The following HMCN2 variants were observed in gnomAD, a reference collection of about 807,000 sequenced individuals.
HMCN2 encodes hemicentin-2.
A neutral mutation model predicts 377.5 loss-of-function variants in HMCN2; 325 were observed. That is an observed-to-expected ratio of 0.86 (90% CI 0.79 to 0.94). The LOEUF (loss-of-function observed/expected upper bound fraction) is 0.94, where lower values mean the gene tolerates loss of function less well. Ranked by LOEUF, HMCN2 falls within the 40% of genes least tolerant of loss-of-function variation. The probability of loss-of-function intolerance (pLI) is 0.00; values close to 1 mark genes in which losing one functional copy is unlikely to be tolerated. For synonymous variants in HMCN2, 2,007 were observed against 2,046.8 expected (o/e 0.98, Z 0.53); for missense variants, 4,543 against 4,725.3 (o/e 0.96, Z 1.13).
Position 130,303,779 on chromosome 9 carries a change from A to G in HMCN2, c.1543+171A>G, listed in dbSNP as rs1208603340. Among the ~76,000 whole-genome samples, 1 of 151,976 alleles carries G rather than the reference A, an allele frequency of 6.6e-6. No individual in the cohort carries two copies. Among genetic ancestry groups the G allele is most frequent in the African/African-American group, 2.4e-5 (1 of 41,356 alleles). ...GCTGCCCCTCATGTGGGGCCGTCTC[A>G]CCCAGGAACGGCCTGTGGGTCTCCG... On this transcript the variant is annotated intron_variant, in intron 10 of 97. Coordinates refer to ENST00000683500, the MANE Select transcript of HMCN2 (RefSeq NM_001291815.2). This position sits in a 1 kb window ranked among gnomAD's most constrained non-coding sequence, Gnocchi z 5.2.
intron 1 of HMCN2, among the ~76,000 whole-genome samples, chr9:130,282,873 C>T (rs1249377859): frequency 2.0e-5 from 3 of 152,228 alleles, no homozygotes; most frequent in South Asian, 4.2e-4. Flanking sequence ...GAGTTCAAGA[C>T]CAGCCTGGCC....
At chr9:130,366,467 ATTTTTTTTTTTTT>A (rs71499234) in intron 43 of HMCN2, among the ~76,000 whole-genome samples, 1 of 82,976 alleles carries the variant, frequency 1.2e-5, no homozygotes, top group Non-Finnish European at 2.2e-5. Flanking sequence ...CACTTCACCA[ATTTTTTTTTTTTT>A]TTTTTTTTTT....
At chr9:130,379,515 G>A (rs1841585553) in intron 54 of HMCN2, 48 bp downstream of exon 54, 1 of 873,608 alleles carries the variant, frequency 1.1e-6, no homozygotes, top group Non-Finnish European at 1.4e-6. Context: ...GCTCTCCTGT[G>A]TGCTGCCTGC....
intron 74 of HMCN2, among the ~76,000 whole-genome samples, chr9:130,398,077 C>T (rs1842691945): frequency 7.7e-6 from 1 of 129,926 alleles, no homozygotes; most frequent in East Asian, 2.5e-4. Context: ...CACTTGAGCC[C>T]GGGAGTTTCA....
At chr9:130,389,652 G>T (rs900611942) in intron 62 of HMCN2, among the ~76,000 whole-genome samples, 1 of 151,342 alleles carries the variant, frequency 6.6e-6, no homozygotes, top group Non-Finnish European at 1.5e-5. Flanking sequence ...TCGGCTCACT[G>T]CAACCTCTGC....
rs1195435611 is a variant in HMCN2, at chr9:130,433,581, C to T, written c.15128C>T (p.Thr5043Ile). ...CGCGCGGGCCTTGGCGCGGTCTACACCCGTCGCGCGCTCACCCGCGCCGGC... is the reference window on the plus strand; with the variant it reads ...CGCGCGGGCCTTGGCGCGGTCTACATCCGTCGCGCGCTCACCCGCGCCGGC... The part of the protein sequence containing the change: ...PLRAGLGAVY[T>I]RRALTRAGLY... Residue 5043 changes from threonine to isoleucine, a missense_variant, in exon 98 of 98, where the codon ACC becomes ATC. Around this residue, in one of 5 missense-constraint regions of HMCN2, gnomAD observed 1,155 missense variants for 1,157.7 expected, o/e 1.00. Coordinates refer to ENST00000683500, the MANE Select transcript of HMCN2 (RefSeq NM_001291815.2). The T allele has an allele frequency of 3.3e-6, 5 of 1,508,710 alleles. No homozygotes were observed. Among genetic ancestry groups the T allele is most frequent in the East Asian group, 2.7e-5 (1 of 36,486 alleles). 93.5% of individuals were successfully genotyped at this position (1,508,710 alleles called of 1,614,324 possible).
intron 24 of HMCN2, among the ~76,000 whole-genome samples, 157 bp downstream of exon 24, chr9:130,341,522 C>T (rs946287932): frequency 6.6e-6 from 1 of 152,176 alleles, no homozygotes; most frequent in Non-Finnish European, 1.5e-5. Flanking sequence ...CCTTCCAGCC[C>T]CACAGCTTTG....
rs1229394388 is a variant in HMCN2 at position 130,414,973 on chromosome 9, G to A, written c.12962-3799G>A. Among the ~76,000 whole-genome samples the A allele has an allele frequency of 6.6e-6, 1 of 152,078 alleles. No individual in the cohort carries two copies. The highest frequency in any genetic ancestry group is 2.4e-5 in the African/African-American group (1 of 41,394). ...GGGAAGCCCCTCGCCTACACAGGCCGAGTGGGGAGCAATAAGCAGTGCCCC... is the reference window on the plus strand; with the variant it reads ...GGGAAGCCCCTCGCCTACACAGGCCAAGTGGGGAGCAATAAGCAGTGCCCC... On this transcript the variant is annotated intron_variant, in intron 85 of 97. Coordinates refer to ENST00000683500, the MANE Select transcript of HMCN2 (RefSeq NM_001291815.2). The surrounding 1 kb of genome is among the most constrained non-coding windows in gnomAD (Gnocchi z 4.4).
At chr9:130,285,061 A>G in intron 2 of HMCN2, 97 bp from the exon 3 acceptor site, 1 of 416,522 alleles carries the variant, frequency 2.4e-6, no homozygotes, top group South Asian at 1.8e-5. Flanking sequence ...TGACAGTTCA[A>G]GGTGACTCCC....
At chr9:130,273,034 T>C (rs1247157552) in intron 1 of HMCN2, among the ~76,000 whole-genome samples, 1 of 152,206 alleles carries the variant, frequency 6.6e-6, no homozygotes, top group African/African-American at 2.4e-5. Flanking sequence ...AAAAACTCTA[T>C]TGTTCTCATC....
At position 130,373,030 on chromosome 9, in the gene HMCN2, TCTCCCAGTTC is replaced by T; in HGVS notation, c.7353_7362del (p.Pro2452LeufsTer9). On this transcript the variant is annotated splice_acceptor_variant and splice_polypyrimidine_tract_variant and coding_sequence_variant and intron_variant, in exon 48 of 98. Coordinates refer to ENST00000683500, the MANE Select transcript of HMCN2 (RefSeq NM_001291815.2). LOFTEE classifies it high-confidence loss of function. ...ATCACTAGCCATTTGTCTCCCTGCTTCTCCCAGTTCCTCCCAGTATTGAGAACGAGGACTT... is the reference window on the plus strand; with the variant it reads ...ATCACTAGCCATTTGTCTCCCTGCTTCTCCCAGTATTGAGAACGAGGACTT... 1 of 690,610 alleles carries T rather than the reference TCTCCCAGTTC, an allele frequency of 1.4e-6. No homozygotes were observed. The highest frequency in any genetic ancestry group is 1.7e-6 in the Non-Finnish European group (1 of 575,688). The allele number at this position is 690,610 out of a possible 1,614,324, so 42.8% of individuals were successfully genotyped here. A position where few individuals can be genotyped will look rare whatever the true frequency, so the allele number is the denominator to read the frequency against.
intron 31 of HMCN2, among the ~76,000 whole-genome samples, chr9:130,353,756 C>T (rs1471546060): frequency 1.3e-5 from 2 of 152,188 alleles, no homozygotes; most frequent in Non-Finnish European, 2.9e-5. Context: ...CTGTGAACCT[C>T]AGCATCAGCT....
chr9:130,344,189 G>A (rs915537706), intron 25 of HMCN2, among the ~76,000 whole-genome samples: 19 of 152,306 alleles, frequency 1.2e-4, no homozygotes, highest in South Asian at 1.0e-3. Context: ...CCTGGCCCCC[G>A]GCGTGGCGGG....
At position 130,430,605 on chromosome 9, in the gene HMCN2, G is replaced by T. The variant is rs1169622757; in HGVS notation, c.14647+1G>T. 2 of 1,546,922 alleles carry T rather than the reference G, an allele frequency of 1.3e-6. No homozygotes were observed. Among genetic ancestry groups the T allele is most frequent in the Non-Finnish European group, 1.7e-6 (2 of 1,144,642 alleles). On this transcript the variant is annotated splice_donor_variant, in intron 95 of 97. Coordinates refer to ENST00000683500, the MANE Select transcript of HMCN2 (RefSeq NM_001291815.2). LOFTEE classifies it high-confidence loss of function. ...ATCAGGCAGAACGGAGTCTGCACAG[G>T]TAAGGCCAGGCCCTGACCATCCACG...
intron 84 of HMCN2, among the ~76,000 whole-genome samples, chr9:130,409,305 A>G (rs2131744653): frequency 6.6e-6 from 1 of 152,354 alleles, no homozygotes; most frequent in South Asian, 2.1e-4. Flanking sequence ...TTTACAGACG[A>G]AGACACTGAA....
intron 54 of HMCN2, among the ~76,000 whole-genome samples, 174 bp from the exon 55 acceptor site, chr9:130,382,010 G>C (rs563437891): frequency 7.2e-5 from 11 of 152,258 alleles, no homozygotes; most frequent in African/African-American, 2.4e-4. Flanking sequence ...GCTGTACCCT[G>C]ACTTGACTCC....
At chr9:130,284,814 C>A (rs192181219) in intron 2 of HMCN2, 141 bp downstream of exon 2, 292 of 416,032 alleles carry the variant, frequency 7.0e-4, no homozygotes, top group Non-Finnish European at 1.3e-3. Context: ...CTTCCTTAGG[C>A]CATCTGTTAG....
intron 39 of HMCN2, among the ~76,000 whole-genome samples, chr9:130,362,555 G>A (rs906682267): frequency 2.6e-5 from 4 of 152,204 alleles, no homozygotes; most frequent in Non-Finnish European, 5.9e-5. Flanking sequence ...TGAAGTCCGT[G>A]GCATATTTTG....
intron 1 of HMCN2, among the ~76,000 whole-genome samples, chr9:130,272,109 C>T (rs1834436749): frequency 6.7e-6 from 1 of 149,280 alleles, no homozygotes; most frequent in African/African-American, 2.4e-5. Flanking sequence ...AGTGGGACCC[C>T]CACGGGAAAC....
Sources: gnomAD v4.1 joint callset for allele counts (sites outside exome capture counted in the v4.1 genomes callset) on GRCh38, gnomAD v4.1.1 for gene constraint, gnomAD v4.1.1 regional missense constraint, Gnocchi (gnomAD v3.1) non-coding constraint, MANE v1.5 for transcripts, NCBI Gene and HGNC (gene_info 2026-07-23, HGNC 2026-07-21) for gene names.